LTBP1: variants seen among roughly 807,000 people sequenced by gnomAD.
LTBP1 encodes latent-transforming growth factor beta-binding protein 1.
A neutral mutation model predicts 207.6 loss-of-function variants in LTBP1; 129 were observed. The ratio of observed to expected loss-of-function variants is 0.62; its 90% confidence interval spans 0.54 to 0.72. The LOEUF is 0.72. LTBP1 is among the 30% of genes least tolerant of loss of function. The probability of loss-of-function intolerance (pLI) is 0.00; values close to 1 mark genes in which losing one functional copy is unlikely to be tolerated. For synonymous variants in LTBP1, 963 were observed against 833.7 expected (o/e 1.16, Z -2.67); for missense variants, 2,281 against 2,217.2 (o/e 1.03, Z -0.58).
chr2:33,398,529 A>G lies in LTBP1; in HGVS notation c.5150A>G (p.Asp1717Gly). The G allele has an allele frequency of 1.2e-6, 2 of 1,614,066 alleles. No homozygotes were observed. Among genetic ancestry groups the G allele is most frequent in the Non-Finnish European group, 1.7e-6 (2 of 1,179,928 alleles). Residue 1717 changes from aspartate to glycine, a missense_variant, in exon 34 of 34, where the codon GAC (aspartate) becomes GGC (glycine). This residue lies in a region of LTBP1 where 1,671 missense variants were observed against 1,634.8 expected (regional missense o/e 1.02). Coordinates refer to ENST00000404816, the MANE Select transcript of LTBP1 (RefSeq NM_206943.4). ...PLNTALNLEK[D>G]SDLE ...AATACCGCCTTGAATTTAGAGAAAG[A>G]CAGTGACCTGGAGTGAAACAGAATC... is the stretch of plus-strand genomic sequence containing the variant.
intron 5 of LTBP1, among the ~76,000 whole-genome samples, chr2:33,153,721 G>A (rs1424892340): frequency 1.3e-5 from 2 of 152,158 alleles, no homozygotes; most frequent in Admixed American, 6.5e-5. Context: ...TAAATTCTAA[G>A]TGAATTCTGA....
At chr2:33,361,056 G>T (rs1366639637) in intron 27 of LTBP1, among the ~76,000 whole-genome samples, 1 of 152,138 alleles carries the variant, frequency 6.6e-6, no homozygotes, top group East Asian at 1.9e-4. Flanking sequence ...AGTCTTTGTT[G>T]CTGACAATGA....
At chr2:33,159,656 G>A (rs1410045233) in intron 5 of LTBP1, among the ~76,000 whole-genome samples, 1 of 152,126 alleles carries the variant, frequency 6.6e-6, no homozygotes, top group Non-Finnish European at 1.5e-5. Context: ...AGTTTCCTAT[G>A]TCATCATCTT....
intron 2 of LTBP1, 50 bp downstream of exon 2, chr2:32,948,995 A>G (rs1452265892): frequency 1.3e-6 from 2 of 1,581,500 alleles, no homozygotes; most frequent in Non-Finnish European, 8.7e-7. Flanking sequence ...AAGTGGGGGG[A>G]GGTGTCCACA....
chr2:33,004,798 T>TATATATATATATATATAC (rs1381118786), intron 2 of LTBP1, among the ~76,000 whole-genome samples: 1 of 142,872 alleles, frequency 7.0e-6, no homozygotes, highest in Non-Finnish European at 1.5e-5. Flanking sequence ...TATATATATA[T>TATATATATATATATATAC]ATATATATAT....
chr2:33,256,031 G>A (rs1389629962), intron 11 of LTBP1, among the ~76,000 whole-genome samples: 6 of 151,572 alleles, frequency 4.0e-5, no homozygotes, highest in Non-Finnish European at 8.8e-5. Flanking sequence ...CACTATTCAT[G>A]GGGATTATGC....
chr2:33,372,214 T>C (rs1276379650), intron 31 of LTBP1, among the ~76,000 whole-genome samples: 1 of 152,206 alleles, frequency 6.6e-6, no homozygotes, highest in Non-Finnish European at 1.5e-5. Flanking sequence ...CTCCAGAATC[T>C]ACGTTCTAAC....
Position 33,021,534 on chromosome 2 carries a change from G to C in LTBP1, c.863+328G>C, listed in dbSNP as rs190994064. Among the ~76,000 whole-genome samples, 210 of 152,202 alleles carry C rather than the reference G, an allele frequency of 1.4e-3. 1 individual carries two copies. The highest frequency in any genetic ancestry group is 6.8e-3 in the Middle Eastern group (2 of 294). ...TTAGTTTAAAAATTCTGTTTTTGAG[G>C]GGGGAGCTGCTTTATAGAGTTTTGA... On this transcript the variant is annotated intron_variant, in intron 3 of 33. Transcript: ENST00000404816.
chr2:33,395,130 C>G (rs1407259044), intron 32 of LTBP1, among the ~76,000 whole-genome samples: 2 of 152,134 alleles, frequency 1.3e-5, no homozygotes, highest in Non-Finnish European at 2.9e-5. Context: ...TTACAAAATA[C>G]TTCTACTGAG....
rs192129921 is a variant in LTBP1 at position 33,054,114 on chromosome 2, C to T, written c.863+32908C>T. ...TCCAGAACTGTGAACCATTCTGTTT[C>T]CTCTGGTATTTGAGAGACCAGGGTA... is the stretch of plus-strand genomic sequence containing the variant. On this transcript the variant is annotated intron_variant, in intron 3 of 33. Transcript: ENST00000404816. Among the ~76,000 whole-genome samples, 48 of 152,116 alleles carry T rather than the reference C, an allele frequency of 3.2e-4. 1 individual carries two copies. The highest frequency in any genetic ancestry group is 2.2e-4 in the Non-Finnish European group (15 of 68,012).
At chr2:33,036,482 G>T (rs2075928694) in intron 3 of LTBP1, among the ~76,000 whole-genome samples, 3 of 151,594 alleles carry the variant, frequency 2.0e-5, no homozygotes, top group Non-Finnish European at 4.4e-5. Flanking sequence ...TTTTGAGACG[G>T]AGTCTCACTC....
chr2:33,085,966 C>T lies in LTBP1; in HGVS notation c.864-24616C>T, dbSNP rs540644499. ...GTGCATTGGGAGTCTGGTGAAATAG[C>T]ACCATGCAGATGGTCCATCTTGGCG... is the stretch of plus-strand genomic sequence containing the variant. On this transcript the variant is annotated intron_variant, in intron 3 of 33. Coordinates refer to ENST00000404816, the MANE Select transcript of LTBP1 (RefSeq NM_206943.4). Among the ~76,000 whole-genome samples the T allele has an allele frequency of 1.6e-4, 24 of 152,326 alleles. No homozygotes were observed. In the East Asian group the frequency reaches 3.3e-3, roughly 21 times the overall value.
intron 22 of LTBP1, among the ~76,000 whole-genome samples, chr2:33,303,475 G>A (rs1163679936): frequency 1.3e-5 from 2 of 150,308 alleles, no homozygotes; most frequent in East Asian, 2.0e-4. Flanking sequence ...TCAGCCTCCC[G>A]AGTAGCTGGG....
intron 5 of LTBP1, among the ~76,000 whole-genome samples, chr2:33,144,219 G>C (rs938157437): frequency 1.3e-5 from 2 of 152,064 alleles, no homozygotes; most frequent in African/African-American, 4.8e-5. Context: ...GCATCAAGAA[G>C]GATATAGAAG....
At chr2:33,139,324 T>C (rs1040933100) in intron 5 of LTBP1, among the ~76,000 whole-genome samples, 1 of 152,194 alleles carries the variant, frequency 6.6e-6, no homozygotes, top group South Asian at 2.1e-4. Context: ...GGCTCTCCCA[T>C]GTTGCCTCCT....
chr2:33,362,484 G>C (rs149726190), intron 28 of LTBP1, among the ~76,000 whole-genome samples: 3 of 152,258 alleles, frequency 2.0e-5, no homozygotes, highest in African/African-American at 7.2e-5. Context: ...TTAAGGTACA[G>C]AGCTTTGATT....
intron 5 of LTBP1, among the ~76,000 whole-genome samples, chr2:33,175,450 T>G (rs1411210987): frequency 6.6e-6 from 1 of 151,912 alleles, no homozygotes; most frequent in African/African-American, 2.4e-5. Flanking sequence ...AAAACCACAA[T>G]GAGATACCAT....
At chr2:33,302,683 A>G (rs1391758056) in intron 22 of LTBP1, among the ~76,000 whole-genome samples, 1 of 152,146 alleles carries the variant, frequency 6.6e-6, no homozygotes, top group East Asian at 1.9e-4. Flanking sequence ...ACTGTTAATG[A>G]ATCAGTAAAT....
At chr2:33,051,547 A>T (rs2076744677) in intron 3 of LTBP1, among the ~76,000 whole-genome samples, 1 of 152,136 alleles carries the variant, frequency 6.6e-6, no homozygotes, top group Non-Finnish European at 1.5e-5. Flanking sequence ...TCCTCTCCTA[A>T]TTGAGACTGA....
Sources: allele counts gnomAD v4.1 joint callset (sites outside exome capture counted in the v4.1 genomes callset), GRCh38; gene constraint gnomAD v4.1.1; regional missense constraint gnomAD v4.1.1; transcripts MANE v1.5; gene names NCBI Gene and HGNC (gene_info 2026-07-23, HGNC 2026-07-21).